Variants in SLC27A1 observed in about 807,000 individuals in gnomAD.
The protein encoded by SLC27A1 is long-chain fatty acid transport protein 1.
A neutral mutation model predicts 62.2 loss-of-function variants in SLC27A1; 61 were observed. The ratio of observed to expected loss-of-function variants is 0.98; its 90% CI spans 0.80 to 1.21. SLC27A1 has a LOEUF of 1.21. Among genes scored for constraint, SLC27A1 ranks in the 50% most tolerant of loss-of-function variants. The pLI is 0.00. For synonymous variants in SLC27A1, 435 were observed against 408.6 expected (o/e 1.06, Z -0.78); for missense variants, 903 against 932.1 (o/e 0.97, Z 0.41).
Position 17,504,585 on chromosome 19 carries a change from C to T in SLC27A1, c.1914C>T (p.Arg638=), listed in dbSNP as rs769387463. 7 of 1,614,194 alleles carry T rather than the reference C, an allele frequency of 4.3e-6. No individual in the cohort carries two copies. Among genetic ancestry groups the T allele is most frequent in the Non-Finnish European group, 5.1e-6 (6 of 1,180,046 alleles). ...YLPLNEAVYT[R]ICSGAFAL is the part of the protein sequence containing the mutation. ...CCTTAAATGAGGCAGTCTACACTCG[C>T]ATCTGCTCGGGCGCCTTCGCCCTCT... The change falls in exon 12 of 12, where the codon CGC becomes CGT. Residue 638 remains arginine (R), a synonymous_variant. Coordinates refer to ENST00000252595, the MANE Select transcript of SLC27A1 (RefSeq NM_198580.3).
chr19:17,477,279 C>T (rs2052740128), intron 1 of SLC27A1, among the ~76,000 whole-genome samples: 1 of 98,872 alleles, frequency 1.0e-5, no homozygotes, highest in African/African-American at 3.9e-5. Flanking sequence ...CTGAATCTTG[C>T]TCGATTGCCC....
chr19:17,480,928 CTTT>C (rs1460430724), intron 1 of SLC27A1, among the ~76,000 whole-genome samples: 1 of 142,330 alleles, frequency 7.0e-6, no homozygotes, highest in Non-Finnish European at 1.5e-5. Context: ...ATTTGGATTT[CTTT>C]TTTTTTTTTT....
At position 17,506,093 on chromosome 19, in the gene SLC27A1, G is replaced by A. The variant is rs1232389722; in HGVS notation, c.*1481G>A. 6.6e-6 allele frequency: 1 copy of A among 152,200 alleles called. No homozygotes were observed. The highest frequency in any genetic ancestry group is 1.5e-5 in the Non-Finnish European group (1 of 68,048). 9.4% of individuals were successfully genotyped at this position (152,200 alleles called of 1,614,324 possible). A position where few individuals can be genotyped will look rare whatever the true frequency, so the allele number is the denominator to read the frequency against. The stretch of plus-strand genomic sequence containing the variant: ...GTGGGGCCATGGCAAGAGACACCGT[G>A]GCGTCTCATGTGAACTTTCCTGGGC... On this transcript the variant is annotated 3_prime_UTR_variant, in exon 12 of 12. Coordinates refer to ENST00000252595, the MANE Select transcript of SLC27A1 (RefSeq NM_198580.3).
At chr19:17,473,933 G>A (rs2075099761) in intron 1 of SLC27A1, among the ~76,000 whole-genome samples, 1 of 152,056 alleles carries the variant, frequency 6.6e-6, no homozygotes, top group Non-Finnish European at 1.5e-5. Flanking sequence ...TTCTTTCTTT[G>A]CTTTGGGATT....
intron 1 of SLC27A1, among the ~76,000 whole-genome samples, chr19:17,483,160 A>G (rs1057140418): frequency 6.6e-6 from 1 of 152,218 alleles, no homozygotes; most frequent in African/African-American, 2.4e-5. Flanking sequence ...GAAATGAGTG[A>G]ATGAATGAGG....
In SLC27A1 at chr19:17,504,454, G is replaced by A; in HGVS notation, c.1784-1G>A. The A allele has an allele frequency of 1.2e-6, 2 of 1,614,120 alleles. No individual in the cohort carries two copies. The highest frequency in any genetic ancestry group is 1.7e-6 in the Non-Finnish European group (2 of 1,180,028). Reference sequence around the variant, plus strand: ...TTATCTGCCCCCCATCCCCACTATAGGCACCTTCAAGATCCAGAAGACGAG... The same window carrying A: ...TTATCTGCCCCCCATCCCCACTATAAGCACCTTCAAGATCCAGAAGACGAG... On this transcript the variant is annotated splice_acceptor_variant, in intron 11 of 11. Transcript: ENST00000252595. LOFTEE classifies it high-confidence loss of function.
At chr19:17,483,124 A>ATGAAGGAATGAGGGAATGAT in intron 1 of SLC27A1, among the ~76,000 whole-genome samples, 1 of 151,908 alleles carries the variant, frequency 6.6e-6, no homozygotes, top group Admixed American at 6.6e-5. Flanking sequence ...GAGGGAATGA[A>ATGAAGGAATGAGGGAATGAT]TGAACAAAGG....
In SLC27A1 at chr19:17,486,238, T is replaced by A. The variant is rs936202128; in HGVS notation, c.168-325T>A. On this transcript the variant is annotated intron_variant, in intron 1 of 11. Transcript: ENST00000252595. This position sits in a 1 kb window ranked among gnomAD's most constrained non-coding sequence, Gnocchi z 6.6. ...AGTCCAGGCTGGAGGTGCTGGGGGA[T>A]GGTGTCAGGTGCTCCAGACGTCGCA... is the stretch of plus-strand genomic sequence containing the variant. 3.3e-5 allele frequency among the ~76,000 whole-genome samples: 5 copies of A among 152,076 alleles called. No individual in the cohort carries two copies. Among genetic ancestry groups the A allele is most frequent in the Admixed American group, 2.0e-4 (3 of 15,262 alleles).
rs1309825619 is a variant in SLC27A1 at position 17,504,570 on chromosome 19, G to A, written c.1899G>A (p.Glu633=). The change falls in exon 12 of 12, where the codon GAG becomes GAA. Residue 633 remains glutamate (E), a synonymous_variant. Coordinates refer to ENST00000252595, the MANE Select transcript of SLC27A1 (RefSeq NM_198580.3). ...AGGGCCACTACCTGCCCTTAAATGA[G>A]GCAGTCTACACTCGCATCTGCTCGG... ...LKQGHYLPLN[E]AVYTRICSGA... is the part of the protein sequence containing the mutation. The A allele has an allele frequency of 1.2e-5, 20 of 1,614,040 alleles. No homozygotes were observed. The highest frequency in any genetic ancestry group is 1.7e-5 in the Non-Finnish European group (20 of 1,180,048).
rs535922046 is a variant in SLC27A1 at position 17,478,381 on chromosome 19, C to T, written c.167+7674C>T. On this transcript the variant is annotated intron_variant, in intron 1 of 11. Transcript: ENST00000252595. Reference sequence around the variant, plus strand: ...ACTCAGGAGGCTGAGGCAGGAAAATCGCTTGAACCTGGGAGGCGGAGTCTG... The same window carrying T: ...ACTCAGGAGGCTGAGGCAGGAAAATTGCTTGAACCTGGGAGGCGGAGTCTG... 2.9e-3 allele frequency among the ~76,000 whole-genome samples: 421 copies of T among 146,374 alleles called. 3 individuals are homozygous for T. Among genetic ancestry groups the T allele is most frequent in the African/African-American group, 0.01 (397 of 39,688 alleles).
chr19:17,472,953 C>A (rs1253922575), intron 1 of SLC27A1, among the ~76,000 whole-genome samples: 1 of 152,076 alleles, frequency 6.6e-6, no homozygotes, highest in Admixed American at 6.6e-5. Context: ...TGCCTCCGCT[C>A]CTGGATAGTT....
chr19:17,487,833 G>A (rs1206063156), intron 4 of SLC27A1, among the ~76,000 whole-genome samples: 1 of 150,894 alleles, frequency 6.6e-6, no homozygotes, highest in African/African-American at 2.4e-5. Flanking sequence ...CCCCCCACCT[G>A]TTCACCACAT....
chr19:17,501,061 C>G (rs1223718443), intron 10 of SLC27A1, among the ~76,000 whole-genome samples, 185 bp downstream of exon 10: 1 of 152,214 alleles, frequency 6.6e-6, no homozygotes, highest in African/African-American at 2.4e-5. Flanking sequence ...GTTTTGTCAT[C>G]CAGAAAATGG....
upstream of SLC27A1, chr19:17,470,393 T>G (rs1295601165): frequency 1.0e-6 from 1 of 979,372 alleles, no homozygotes; most frequent in African/African-American, 1.8e-5. Flanking sequence ...GGAGTCTGAC[T>G]CGGAGCGCGT....
At chr19:17,471,723 G>A (rs763628904) in intron 1 of SLC27A1, among the ~76,000 whole-genome samples, 4 of 152,082 alleles carry the variant, frequency 2.6e-5, no homozygotes, top group African/African-American at 4.8e-5. Context: ...AGATCCCACC[G>A]TAAGTTGACT....
At chr19:17,481,665 G>A (rs2075179841) in intron 1 of SLC27A1, among the ~76,000 whole-genome samples, 1 of 152,000 alleles carries the variant, frequency 6.6e-6, no homozygotes, top group African/African-American at 2.4e-5. Flanking sequence ...CACTACCCTG[G>A]CTAATTTCTG....
Position 17,477,251 on chromosome 19 carries a change from T to TTTTTTTTTTTTG in SLC27A1, c.167+6555_167+6556insGTTTTTTTTTTT, listed in dbSNP as rs2075133247. Among the ~76,000 whole-genome samples the TTTTTTTTTTTTG allele has an allele frequency of 1.5e-5, 2 of 133,910 alleles. 1 individual carries two copies. Among genetic ancestry groups the TTTTTTTTTTTTG allele is most frequent in the Non-Finnish European group, 3.2e-5 (2 of 62,122 alleles). The allele number at this position is 133,910 out of a possible 152,430, so 87.9% of individuals were successfully genotyped here. On this transcript the variant is annotated intron_variant, in intron 1 of 11. Coordinates refer to ENST00000252595, the MANE Select transcript of SLC27A1 (RefSeq NM_198580.3). ...ATGGATGAGCAGCGCTTTTTTTTTT[T>TTTTTTTTTTTTG]TTTTTTTTTTTTTGAGACTGAATCT...
At chr19:17,473,552 T>A (rs1323848438) in intron 1 of SLC27A1, among the ~76,000 whole-genome samples, 1 of 152,170 alleles carries the variant, frequency 6.6e-6, no homozygotes, top group Non-Finnish European at 1.5e-5. Flanking sequence ...CTGATCACCT[T>A]GTTGCTACAT....
chr19:17,470,439 G>A (rs1296244424), upstream of SLC27A1: 4 of 1,322,230 alleles, frequency 3.0e-6, no homozygotes, highest in Non-Finnish European at 3.9e-6. Context: ...CCGAGGCCTG[G>A]GGGCGCGGCT....
Sources: gnomAD v4.1 joint callset for allele counts (sites outside exome capture counted in the v4.1 genomes callset) on GRCh38, gnomAD v4.1.1 for gene constraint, Gnocchi (gnomAD v3.1) non-coding constraint, MANE v1.5 for transcripts, NCBI Gene and HGNC (gene_info 2026-07-23, HGNC 2026-07-21) for gene names.